SLC27A1: variants seen among roughly 807,000 people sequenced by gnomAD.
SLC27A1 encodes the protein long-chain fatty acid transport protein 1.
SLC27A1 carries 61 observed loss-of-function variants against 62.2 expected under a neutral mutation model. The observed-to-expected ratio is 0.98, with a 90% confidence interval of 0.80 to 1.21. SLC27A1 has a LOEUF of 1.21. Among genes scored for constraint, SLC27A1 ranks in the 50% most tolerant of loss-of-function variants. SLC27A1 has a pLI of 0.00. For synonymous variants in SLC27A1, 435 were observed against 408.6 expected (o/e 1.06, Z -0.78); for missense variants, 903 against 932.1 (o/e 0.97, Z 0.41).
At chr19:17,480,127 C>T (rs1438184705) in intron 1 of SLC27A1, among the ~76,000 whole-genome samples, 4 of 151,556 alleles carry the variant, frequency 2.6e-5, no homozygotes, top group Non-Finnish European at 5.9e-5. Context: ...TCCCAGGTTC[C>T]AGTGATTCTC....
At chr19:17,491,758 CAGCTGCTTGGGA>C in intron 6 of SLC27A1, among the ~76,000 whole-genome samples, 2 of 152,132 alleles carry the variant, frequency 1.3e-5, no homozygotes, top group Non-Finnish European at 2.9e-5. Flanking sequence ...CCTGTAGTCC[CAGCTGCTTGGGA>C]GGCTGAGGTG....
rs762936006 is a variant in SLC27A1 at position 17,486,656 on chromosome 19, G to A, written c.261G>A (p.Gln87=). Residue 87 remains glutamine, a synonymous_variant, in exon 2 of 12, where the codon CAG becomes CAA. Transcript: ENST00000252595. This position sits in a 1 kb window ranked among gnomAD's most constrained non-coding sequence, Gnocchi z 6.6. ...TIPRIFQAVV[Q]RQPERLALVD... ...CGCGCATCTTTCAGGCGGTAGTGCA[G>A]CGACAGCCCGAGCGCCTGGCGCTGG... 1 of 1,607,626 alleles carries A rather than the reference G, an allele frequency of 6.2e-7. No individual in the cohort carries two copies. The highest frequency in any genetic ancestry group is 8.5e-7 in the Non-Finnish European group (1 of 1,179,376).
At chr19:17,471,553 G>A (rs2035576561) in intron 1 of SLC27A1, among the ~76,000 whole-genome samples, 1 of 151,988 alleles carries the variant, frequency 6.6e-6, no homozygotes, top group Non-Finnish European at 1.5e-5. Flanking sequence ...CATTGCTGGG[G>A]GCTTCTATCA....
chr19:17,485,223 T>A (rs182146276), intron 1 of SLC27A1, among the ~76,000 whole-genome samples: 1 of 145,676 alleles, frequency 6.9e-6, no homozygotes, highest in Non-Finnish European at 1.5e-5. Flanking sequence ...GGAGTCTTGC[T>A]CTTTGGCCCA....
intron 1 of SLC27A1, among the ~76,000 whole-genome samples, chr19:17,476,182 T>C (rs1379745203): frequency 6.6e-6 from 1 of 152,054 alleles, no homozygotes; most frequent in African/African-American, 2.4e-5. Context: ...ATCATGGAGT[T>C]CTTGGGGTGC....
intron 6 of SLC27A1, among the ~76,000 whole-genome samples, chr19:17,494,900 T>C (rs2075332916): frequency 6.6e-6 from 1 of 151,826 alleles, no homozygotes; most frequent in Non-Finnish European, 1.5e-5. Flanking sequence ...ATGGCACATC[T>C]GGTCCTCACC....
At chr19:17,488,096 C>A (rs552649055) in intron 4 of SLC27A1, among the ~76,000 whole-genome samples, 2 of 152,174 alleles carry the variant, frequency 1.3e-5, no homozygotes, top group African/African-American at 4.8e-5. Flanking sequence ...TGGTGGCTTA[C>A]GCCTGTAACC....
upstream of SLC27A1, among the ~76,000 whole-genome samples, chr19:17,469,460 C>A (rs539101789): frequency 1.3e-5 from 2 of 152,000 alleles, no homozygotes; most frequent in South Asian, 2.1e-4. Flanking sequence ...CCAACTAGGG[C>A]TCGGGTCCTG....
intron 1 of SLC27A1, among the ~76,000 whole-genome samples, chr19:17,473,601 C>A (rs907991961): frequency 6.6e-6 from 1 of 152,192 alleles, no homozygotes. Flanking sequence ...GTGGCTCACA[C>A]CTGTAATCCC....
At position 17,481,221 on chromosome 19, in the gene SLC27A1, G is replaced by A. The variant is rs573071930; in HGVS notation, c.168-5342G>A. Among the ~76,000 whole-genome samples, 4 of 152,128 alleles carry A rather than the reference G, an allele frequency of 2.6e-5. No homozygotes were observed. In the East Asian group the frequency reaches 5.8e-4, roughly 22 times the overall value. On this transcript the variant is annotated intron_variant, in intron 1 of 11. Transcript: ENST00000252595. ...ATTACAGGCGTGAGCCACTGGGCCCGGCGGTGTTTGGATTTCTGTTTTTGC... is the reference window on the plus strand; with the variant it reads ...ATTACAGGCGTGAGCCACTGGGCCCAGCGGTGTTTGGATTTCTGTTTTTGC...
intron 7 of SLC27A1, chr19:17,497,665 T>C (rs2075365519): frequency 4.8e-6 from 3 of 628,110 alleles, no homozygotes; most frequent in Admixed American, 5.9e-5. Flanking sequence ...CCTGCACAGA[T>C]AGTCATGTGA....
At chr19:17,482,489 A>G (rs185519392) in intron 1 of SLC27A1, among the ~76,000 whole-genome samples, 47 of 152,134 alleles carry the variant, frequency 3.1e-4, no homozygotes, top group African/African-American at 1.0e-3. Flanking sequence ...CGTCTCTACT[A>G]AAAATACAAA....
At chr19:17,469,563 G>A (rs948892276), upstream of SLC27A1, among the ~76,000 whole-genome samples, 6 of 152,112 alleles carry the variant, frequency 3.9e-5, no homozygotes, top group Non-Finnish European at 7.4e-5. Flanking sequence ...TGGAGACAGC[G>A]GACGACCCTG....
At position 17,500,654 on chromosome 19, in the gene SLC27A1, G is replaced by A. The variant is rs202143876; in HGVS notation, c.1471+22G>A. ...TCAGGTGCGCAGCCTGCTAGGCCCC[G>A]GTGACTGGCTGTGCGGATGGGGATC... On this transcript the variant is annotated intron_variant, in intron 9 of 11. Transcript: ENST00000252595. The A allele has an allele frequency of 7.2e-5, 117 of 1,613,886 alleles. 3 individuals are homozygous for A. The East Asian group carries it at 1.9e-3, about 26-fold the overall frequency.
upstream of SLC27A1, among the ~76,000 whole-genome samples, chr19:17,469,685 G>T (rs2075054150): frequency 6.6e-6 from 1 of 152,134 alleles, no homozygotes; most frequent in Admixed American, 6.6e-5. Flanking sequence ...GGGCTGAGGG[G>T]CTTCGAAGTA....
intron 7 of SLC27A1, chr19:17,498,439 T>C (rs2075372776): frequency 6.4e-6 from 1 of 155,392 alleles, no homozygotes; most frequent in Non-Finnish European, 1.4e-5. Flanking sequence ...CAATGCTCCT[T>C]CCTCAGTGTG....
intron 6 of SLC27A1, 119 bp downstream of exon 6, chr19:17,489,236 C>T: frequency 2.4e-6 from 2 of 818,540 alleles, no homozygotes; most frequent in South Asian, 3.4e-5. Context: ...GCCCCACCTC[C>T]TCCTGGTCAG....
At chr19:17,471,085 G>A (rs1325877727) in intron 1 of SLC27A1, among the ~76,000 whole-genome samples, 2 of 149,114 alleles carry the variant, frequency 1.3e-5, no homozygotes, top group Non-Finnish European at 3.0e-5. Flanking sequence ...CGGTGTGGGG[G>A]TCTTTTTGGA....
chr19:17,491,885 A>AAAAAG (rs754465920), intron 6 of SLC27A1, among the ~76,000 whole-genome samples: 4 of 151,520 alleles, frequency 2.6e-5, no homozygotes, highest in East Asian at 1.9e-4. Flanking sequence ...AAAAAATAAA[A>AAAAAG]AAAAGAAAAG....
Sources: gnomAD v4.1 joint callset for allele counts (sites outside exome capture counted in the v4.1 genomes callset) on GRCh38, gnomAD v4.1.1 for gene constraint, Gnocchi (gnomAD v3.1) non-coding constraint, MANE v1.5 for transcripts, NCBI Gene and HGNC (gene_info 2026-07-23, HGNC 2026-07-21) for gene names.